Variants in TFEC observed in about 807,000 individuals in gnomAD.
The protein encoded by TFEC is class E basic helix-loop-helix protein 34.
TFEC carries 31 observed loss-of-function variants against 41.6 expected under a neutral mutation model. The observed-to-expected ratio is 0.74, with a 90% CI of 0.56 to 1.01. The LOEUF is 1.01. TFEC is among the 50% of genes least tolerant of loss of function. TFEC has a pLI of 0.00. For synonymous variants in TFEC, 143 were observed against 140.6 expected, an observed-to-expected ratio of 1.02 and a Z score of -0.12; for missense variants, 402 against 404.1, an observed-to-expected ratio of 0.99 and a Z score of 0.04.
rs754567867 is a variant in TFEC at position 115,954,543 on chromosome 7, A to G, written c.439+43T>C. 13 of 1,554,998 alleles carry G rather than the reference A, an allele frequency of 8.4e-6. No homozygotes were observed. The East Asian group carries it at 2.7e-4, about 33-fold the overall frequency. The stretch of plus-strand genomic sequence containing the variant: ...AGACCACACACCTTAACCTCTATGC[A>G]TTTCCTTTTGCATTAATTTTATATG... On this transcript the variant is annotated intron_variant, in intron 5 of 7. Coordinates refer to ENST00000265440, the MANE Select transcript of TFEC (RefSeq NM_012252.4).
At chr7:115,948,356 G>C (rs1265152547) in intron 6 of TFEC, among the ~76,000 whole-genome samples, 3 of 151,926 alleles carry the variant, frequency 2.0e-5, no homozygotes, top group South Asian at 2.1e-4. Context: ...TATGAGGCCA[G>C]CATCATCCTG....
intron 4 of TFEC, 95 bp from the exon 5 acceptor site, chr7:115,954,737 T>C (rs1032135167): frequency 5.5e-6 from 5 of 916,518 alleles, no homozygotes; most frequent in South Asian, 4.9e-5. Context: ...AAATAAAATA[T>C]TATTTGCTCC....
intron 1 of TFEC, among the ~76,000 whole-genome samples, chr7:116,000,019 A>G (rs1794526856): frequency 6.6e-6 from 1 of 152,130 alleles, no homozygotes; most frequent in Non-Finnish European, 1.5e-5. Context: ...ATATCAATAA[A>G]AGAAAACTAC....
chr7:116,154,695 G>T (rs1282944253), intron 1 of TFEC, among the ~76,000 whole-genome samples: 1 of 152,052 alleles, frequency 6.6e-6, no homozygotes. Flanking sequence ...CTTTCTCCCA[G>T]GTTCTGTTTT....
chr7:116,050,547 T>G (rs1796284180), intron 3 of TFEC, among the ~76,000 whole-genome samples: 2 of 152,174 alleles, frequency 1.3e-5, no homozygotes, highest in South Asian at 4.1e-4. Flanking sequence ...CATCAAAAAG[T>G]GCTCATCATC....
intron 2 of TFEC, among the ~76,000 whole-genome samples, chr7:115,977,375 A>G (rs966021431): frequency 1.3e-4 from 20 of 152,134 alleles, no homozygotes; most frequent in Admixed American, 7.9e-4. Flanking sequence ...TTATGTTTTC[A>G]GATATGTGAA....
At chr7:116,036,226 A>G (rs1160962851) in intron 3 of TFEC, among the ~76,000 whole-genome samples, 1 of 152,034 alleles carries the variant, frequency 6.6e-6, no homozygotes, top group Non-Finnish European at 1.5e-5. Context: ...TCACACTGAA[A>G]ATTGTGTAAA....
intron 1 of TFEC, 124 bp from the exon 2 acceptor site, chr7:115,984,637 T>C: frequency 8.7e-7 from 1 of 1,146,510 alleles, no homozygotes; most frequent in Non-Finnish European, 1.2e-6. Flanking sequence ...CTCTCCAATC[T>C]ATCGTCCATA....
At chr7:115,950,503 CA>C (rs1791877910) in intron 6 of TFEC, among the ~76,000 whole-genome samples, 1 of 152,032 alleles carries the variant, frequency 6.6e-6, no homozygotes, top group South Asian at 2.1e-4. Context: ...TTTTCACTTG[CA>C]CACAAATTTT....
intron 3 of TFEC, among the ~76,000 whole-genome samples, chr7:115,958,765 TGCCCTAAA>T (rs1227945158): frequency 1.3e-5 from 2 of 151,912 alleles, no homozygotes; most frequent in East Asian, 3.9e-4. Flanking sequence ...GTCTAATTTA[TGCCCTAAA>T]GCACAATAAT....
chr7:115,958,874 A>G (rs769020463), intron 3 of TFEC, among the ~76,000 whole-genome samples: 2 of 151,856 alleles, frequency 1.3e-5, no homozygotes, highest in Non-Finnish European at 2.9e-5. Flanking sequence ...AATTGAGTTC[A>G]GTTTCAAAGT....
intron 3 of TFEC, chr7:116,110,627 A>G (rs1362857767): frequency 3.9e-6 from 4 of 1,023,752 alleles, no homozygotes; most frequent in African/African-American, 3.4e-5. Flanking sequence ...TTTTTTGAGT[A>G]CAATTAAAAC....
chr7:116,024,623 A>G (rs532805306), intron 1 of TFEC, among the ~76,000 whole-genome samples: 31 of 152,308 alleles, frequency 2.0e-4, no homozygotes, highest in Middle Eastern at 6.8e-3. Flanking sequence ...GTTTCAAAGA[A>G]GAGGAGAATA....
At chr7:115,987,058 A>C (rs1793891894) in intron 1 of TFEC, among the ~76,000 whole-genome samples, 1 of 152,190 alleles carries the variant, frequency 6.6e-6, no homozygotes. Flanking sequence ...TCTCCTCTTC[A>C]GGCCACTCTA....
chr7:116,155,928 T>C (rs528544600), intron 1 of TFEC, among the ~76,000 whole-genome samples: 4 of 152,350 alleles, frequency 2.6e-5, no homozygotes, highest in African/African-American at 9.6e-5. Context: ...GATCCTTTGA[T>C]ACTTTATGCA....
chr7:116,080,989 G>A (rs1330421268), intron 3 of TFEC, among the ~76,000 whole-genome samples: 1 of 142,918 alleles, frequency 7.0e-6, no homozygotes, highest in African/African-American at 2.5e-5. Flanking sequence ...GTGTGTGTGT[G>A]TGTGTGTGTG....
intron 1 of TFEC, among the ~76,000 whole-genome samples, chr7:116,130,177 T>C (rs1798304217): frequency 6.6e-6 from 1 of 152,136 alleles, no homozygotes; most frequent in Admixed American, 6.5e-5. Flanking sequence ...GGGTGTGTTG[T>C]TTTCTCTTGA....
chr7:116,058,706 A>G (rs1043529571), intron 3 of TFEC, among the ~76,000 whole-genome samples: 1 of 151,852 alleles, frequency 6.6e-6, no homozygotes, highest in Non-Finnish European at 1.5e-5. Context: ...TCTCCATAGC[A>G]TAATTAAATT....
intron 1 of TFEC, among the ~76,000 whole-genome samples, chr7:116,123,391 TAC>T (rs1049827760): frequency 2.0e-5 from 3 of 152,152 alleles, no homozygotes; most frequent in Non-Finnish European, 4.4e-5. Flanking sequence ...TATTTGCAGT[TAC>T]CTTTAATCTT....
Sources: gnomAD v4.1 joint callset for allele counts (sites outside exome capture counted in the v4.1 genomes callset) on GRCh38, gnomAD v4.1.1 for gene constraint, MANE v1.5 for transcripts, NCBI Gene and HGNC (gene_info 2026-07-23, HGNC 2026-07-21) for gene names.